SAMTOR: variants seen among roughly 807,000 people sequenced by gnomAD.
SAMTOR encodes S-adenosylmethionine sensor upstream of mTORC1, also known as UPF0532 protein C7orf60.
the SAMTOR span, among the ~76,000 whole-genome samples, chr7:112,922,931 G>A: frequency 2.0e-5 from 3 of 149,044 alleles, no homozygotes; most frequent in African/African-American, 7.6e-5. Context: ...TCCCTACTGG[G>A]AAGTGAGGAG....
chr7:112,920,099 T>G, the SAMTOR span, among the ~76,000 whole-genome samples: 33 of 152,332 alleles, frequency 2.2e-4, 1 homozygote, highest in Non-Finnish European at 3.4e-4. Flanking sequence ...ACTCATTTTA[T>G]GAGGCCAGCA....
At chr7:112,897,856 A>T in the SAMTOR span, among the ~76,000 whole-genome samples, 1 of 152,186 alleles carries the variant, frequency 6.6e-6, no homozygotes, top group Non-Finnish European at 1.5e-5. Context: ...CTTCATAAGA[A>T]CTAAGTCAGT....
chr7:112,832,168 C>G, the SAMTOR span, among the ~76,000 whole-genome samples: 1 of 151,964 alleles, frequency 6.6e-6, no homozygotes, highest in Non-Finnish European at 1.5e-5. Context: ...CTTGCCACCA[C>G]GCCCAGCTAC....
At chr7:112,877,594 G>A in the SAMTOR span, among the ~76,000 whole-genome samples, 1 of 152,020 alleles carries the variant, frequency 6.6e-6, no homozygotes, top group African/African-American at 2.4e-5. Flanking sequence ...AATAAGAATG[G>A]CATTCATATT....
chr7:112,872,804 GT>G, the SAMTOR span, among the ~76,000 whole-genome samples: 2 of 143,942 alleles, frequency 1.4e-5, no homozygotes, highest in Admixed American at 7.0e-5. Context: ...AAAATCAGTA[GT>G]AAAAAAAAAA....
the SAMTOR span, among the ~76,000 whole-genome samples, chr7:112,833,815 G>T: frequency 1.3e-5 from 2 of 151,958 alleles, no homozygotes; most frequent in Non-Finnish European, 2.9e-5. Flanking sequence ...ATTTGGCTTC[G>T]CTCCTTAATT....
chr7:112,924,208 G>GA, the SAMTOR span, among the ~76,000 whole-genome samples: 19 of 150,744 alleles, frequency 1.3e-4, no homozygotes, highest in East Asian at 2.2e-3. Flanking sequence ...ATAAAAAAAA[G>GA]AAAAAAAACT....
At chr7:112,879,494 T>C in the SAMTOR span, among the ~76,000 whole-genome samples, 2 of 152,072 alleles carry the variant, frequency 1.3e-5, no homozygotes, top group East Asian at 1.9e-4. Context: ...AGAAGAAAGA[T>C]AGGAAGGAGA....
the SAMTOR span, among the ~76,000 whole-genome samples, chr7:112,877,920 G>A: frequency 6.6e-6 from 1 of 152,254 alleles, no homozygotes; most frequent in African/African-American, 2.4e-5. Context: ...CCCAGAAGCT[G>A]AGCAATGTTG....
the SAMTOR span, among the ~76,000 whole-genome samples, chr7:112,908,364 C>T: frequency 6.6e-6 from 1 of 152,148 alleles, no homozygotes; most frequent in South Asian, 2.1e-4. Context: ...TGCCTTCAGA[C>T]TCGAAGTGGG....
chr7:112,915,098 C>A, the SAMTOR span, among the ~76,000 whole-genome samples: 1 of 151,886 alleles, frequency 6.6e-6, no homozygotes, highest in Non-Finnish European at 1.5e-5. Context: ...AATAGCTGGG[C>A]ACAGTGGTGG....
the SAMTOR span, among the ~76,000 whole-genome samples, chr7:112,824,018 TTAAA>T: frequency 2.0e-5 from 3 of 151,952 alleles, no homozygotes; most frequent in Non-Finnish European, 4.4e-5. Context: ...TTGGGTTGCT[TTAAA>T]TAAAGTTTTA....
the SAMTOR span, among the ~76,000 whole-genome samples, chr7:112,909,262 TCTGGTTTTGTGTA>T: frequency 6.6e-6 from 1 of 152,208 alleles, no homozygotes; most frequent in Non-Finnish European, 1.5e-5. Context: ...GATACTCACT[TCTGGTTTTGTGTA>T]CTGGTTTTGT....
At chr7:112,852,064 C>CT in the SAMTOR span, among the ~76,000 whole-genome samples, 1 of 152,038 alleles carries the variant, frequency 6.6e-6, no homozygotes, top group Non-Finnish European at 1.5e-5. Flanking sequence ...AAATGGTGAA[C>CT]TAAAAATGTA....
chr7:112,919,503 T>C, the SAMTOR span, among the ~76,000 whole-genome samples: 2 of 151,176 alleles, frequency 1.3e-5, no homozygotes, highest in East Asian at 2.0e-4. Context: ...GCAGGAAAGA[T>C]CCAAAATTGA....
At chr7:112,900,687 A>G in the SAMTOR span, among the ~76,000 whole-genome samples, 1 of 152,240 alleles carries the variant, frequency 6.6e-6, no homozygotes, top group African/African-American at 2.4e-5. Context: ...GAAAGAAAAG[A>G]CAAATACATC....
chr7:112,823,607 A>G, the SAMTOR span, among the ~76,000 whole-genome samples: 9 of 152,176 alleles, frequency 5.9e-5, no homozygotes, highest in Non-Finnish European at 1.2e-4. Context: ...AGTTTTGGTT[A>G]TTACATTTCA....
At chr7:112,839,885 TTATCTC>T in the SAMTOR span, among the ~76,000 whole-genome samples, 1 of 151,794 alleles carries the variant, frequency 6.6e-6, no homozygotes, top group African/African-American at 2.4e-5. Context: ...AATGTCTCCT[TTATCTC>T]TAGCAATGAT....
chr7:112,926,444 T>C, the SAMTOR span, among the ~76,000 whole-genome samples: 1 of 152,188 alleles, frequency 6.6e-6, no homozygotes, highest in East Asian at 1.9e-4. Context: ...TACCACCTAA[T>C]GAAATTTTAT....
Sources: allele counts gnomAD v4.1 joint callset (sites outside exome capture counted in the v4.1 genomes callset), GRCh38; gene constraint gnomAD v4.1.1; transcripts MANE v1.5; gene names NCBI Gene and HGNC (gene_info 2026-07-23, HGNC 2026-07-21).